The following CFAP161 variants were observed in gnomAD, a reference collection of about 807,000 sequenced individuals.
CFAP161 encodes the protein cilia and flagella associated protein 161, also known as cilia- and flagella-associated protein 161.
CFAP161 carries 25 observed loss-of-function variants against 29.0 expected under a neutral mutation model. The observed-to-expected ratio is 0.86, with a 90% CI of 0.63 to 1.20. The LOEUF (loss-of-function observed/expected upper bound fraction) is 1.20, where lower values mean the gene tolerates loss of function less well. CFAP161 is among the 50% of genes most tolerant of loss of function. The pLI, the probability that CFAP161 is intolerant of heterozygous loss-of-function variation, is 0.00. For synonymous variants in CFAP161, 116 were observed against 137.4 expected (o/e 0.84, Z 1.09); for missense variants, 367 against 371.9 (o/e 0.99, Z 0.11).
intron 4 of CFAP161, among the ~76,000 whole-genome samples, chr15:81,140,137 C>A (rs1331235306): frequency 6.6e-6 from 1 of 152,008 alleles, no homozygotes; most frequent in African/African-American, 2.4e-5. Context: ...CCATTGATTA[C>A]TAAATTTTGT....
intron 1 of CFAP161, among the ~76,000 whole-genome samples, chr15:81,123,156 G>A (rs1362084221): frequency 2.6e-5 from 4 of 152,198 alleles, no homozygotes; most frequent in East Asian, 1.9e-4. Context: ...TTCTTCTAGG[G>A]TTTTTATAGT....
intron 1 of CFAP161, chr15:81,127,504 A>T (rs1013263486): frequency 6.6e-6 from 1 of 152,216 alleles, no homozygotes; most frequent in African/African-American, 2.4e-5. Context: ...AAACATTTGT[A>T]TTTATACCAG....
chr15:81,117,162 C>T (rs373353107), intron 1 of CFAP161, among the ~76,000 whole-genome samples: 3 of 152,012 alleles, frequency 2.0e-5, no homozygotes, highest in East Asian at 3.8e-4. Flanking sequence ...ATATTTTAGT[C>T]AAAATCTTGG....
intron 1 of CFAP161, among the ~76,000 whole-genome samples, chr15:81,113,653 A>C (rs1432906633): frequency 1.3e-5 from 2 of 152,222 alleles, no homozygotes; most frequent in African/African-American, 4.8e-5. Context: ...AGAGATGCAT[A>C]GGGTAAGGAG....
chr15:81,133,365 C>T (rs1894750252), upstream of CFAP161, among the ~76,000 whole-genome samples: 1 of 151,780 alleles, frequency 6.6e-6, no homozygotes, highest in East Asian at 1.9e-4. Flanking sequence ...CCCATCAGCA[C>T]ATCTTTAATT....
chr15:81,143,466 G>A (rs1894949011), intron 4 of CFAP161, among the ~76,000 whole-genome samples, 196 bp from the exon 5 acceptor site: 1 of 152,338 alleles, frequency 6.6e-6, no homozygotes, highest in Non-Finnish European at 1.5e-5. Context: ...GTAGGTGTGT[G>A]TGTGTGTCTT....
At chr15:81,122,712 A>T (rs146798527) in intron 1 of CFAP161, among the ~76,000 whole-genome samples, 2,534 of 151,904 alleles carry the variant, frequency 0.017, 70 homozygotes, top group African/African-American at 0.055. Context: ...GGCTGGTCTC[A>T]AACTCCTGAC....
intron 4 of CFAP161, among the ~76,000 whole-genome samples, chr15:81,142,298 T>TTTATTA (rs1351634815): frequency 6.6e-6 from 1 of 151,784 alleles, no homozygotes; most frequent in Non-Finnish European, 1.5e-5. Context: ...ATTTTTAAAA[T>TTTATTA]TTATTATTAT....
At chr15:81,135,395 A>G (rs1220452753) in intron 2 of CFAP161, 36 bp downstream of exon 2, 1 of 1,424,088 alleles carries the variant, frequency 7.0e-7, no homozygotes, top group Non-Finnish European at 9.6e-7. Flanking sequence ...TTTAAGTTTT[A>G]GGGTACATGT....
intron 1 of CFAP161, 89 bp from the exon 2 acceptor site, chr15:81,135,181 T>C: frequency 1.1e-6 from 1 of 916,926 alleles, no homozygotes; most frequent in Non-Finnish European, 1.6e-6. Context: ...CAAATTTTGC[T>C]TTTTCAACTT....
At chr15:81,136,353 T>G (rs925628339) in intron 2 of CFAP161, among the ~76,000 whole-genome samples, 163 bp from the exon 3 acceptor site, 6 of 152,144 alleles carry the variant, frequency 3.9e-5, no homozygotes, top group Non-Finnish European at 8.8e-5. Context: ...GAGCTTTGCC[T>G]TGGCAAAGGG....
upstream of CFAP161, among the ~76,000 whole-genome samples, chr15:81,130,906 T>C (rs1894702490): frequency 6.6e-6 from 1 of 152,100 alleles, no homozygotes; most frequent in African/African-American, 2.4e-5. Flanking sequence ...CATTTATTGA[T>C]TGGATTTGCT....
In CFAP161 at chr15:81,143,644, G is replaced by C. The variant is rs778507150; in HGVS notation, c.478-18G>C. 7 of 1,604,552 alleles carry C rather than the reference G, an allele frequency of 4.4e-6. No individual in the cohort carries two copies. Among genetic ancestry groups the C allele is most frequent in the Non-Finnish European group, 6.0e-6 (7 of 1,172,814 alleles). ...CACAGAGCTCTGACTTAGTGCATCT[G>C]CTTGCTGTCATTTTCAGTTGTATTT... On this transcript the variant is annotated intron_variant, in intron 4 of 6. Transcript: ENST00000286732.
rs542760600 is a variant in CFAP161 at position 81,106,820 on chromosome 15, C to A, written c.-141-20770C>A. Among the ~76,000 whole-genome samples, 29 of 152,252 alleles carry A rather than the reference C, an allele frequency of 1.9e-4. No individual in the cohort carries two copies. In the South Asian group the frequency reaches 5.6e-3, roughly 29 times the overall value. On this transcript the variant is annotated intron_variant, in intron 1 of 4. Coordinates refer to the CFAP161 transcript ENST00000560091. ...GTGGCTCAAGCCTGTAATCCCAGGACTTTGGGAGGCCGAGGCGGGTGGATC... is the reference window on the plus strand; with the variant it reads ...GTGGCTCAAGCCTGTAATCCCAGGAATTTGGGAGGCCGAGGCGGGTGGATC...
At chr15:81,135,413 G>C (rs1595917034) in intron 2 of CFAP161, 54 bp downstream of exon 2, 2 of 1,239,504 alleles carry the variant, frequency 1.6e-6, no homozygotes, top group Non-Finnish European at 2.3e-6. Flanking sequence ...TGTGCACAAC[G>C]TGCAGGTTTG....
At chr15:81,139,619 GTCTT>G (rs1894871859) in intron 4 of CFAP161, among the ~76,000 whole-genome samples, 1 of 152,072 alleles carries the variant, frequency 6.6e-6, no homozygotes, top group Non-Finnish European at 1.5e-5. Flanking sequence ...AATTTACCTA[GTCTT>G]TCTTCTACTT....
At chr15:81,140,732 A>T (rs1484277219) in intron 4 of CFAP161, among the ~76,000 whole-genome samples, 1 of 151,628 alleles carries the variant, frequency 6.6e-6, no homozygotes, top group Admixed American at 6.6e-5. Context: ...CTAAGTTTTT[A>T]AAATTTATTT....
intron 1 of CFAP161, among the ~76,000 whole-genome samples, chr15:81,113,969 AT>A (rs1894467103): frequency 1.3e-5 from 2 of 152,350 alleles, no homozygotes; most frequent in South Asian, 4.1e-4. Context: ...AACAAAAGAC[AT>A]TCTCATCATT....
chr15:81,122,113 C>G (rs987830725), intron 1 of CFAP161, among the ~76,000 whole-genome samples: 2 of 152,136 alleles, frequency 1.3e-5, no homozygotes, highest in African/African-American at 4.8e-5. Flanking sequence ...TCCAGTCTAT[C>G]ATTGTTGGGC....
Sources: gnomAD v4.1 joint callset for allele counts (sites outside exome capture counted in the v4.1 genomes callset) on GRCh38, gnomAD v4.1.1 for gene constraint, MANE v1.5 for transcripts, NCBI Gene and HGNC (gene_info 2026-07-23, HGNC 2026-07-21) for gene names.